Variants in TRIM44 observed in about 807,000 individuals in gnomAD.
TRIM44 encodes the protein tripartite motif containing 44, also known as tripartite motif-containing protein 44.
TRIM44 carries 13 observed loss-of-function variants against 37.4 expected under a neutral mutation model. That is an observed-to-expected ratio of 0.35 (90% CI 0.23 to 0.55). The LOEUF is 0.55. Among genes scored for constraint, TRIM44 ranks in the 20% least tolerant of loss-of-function variants. TRIM44 has a pLI of 0.89. For synonymous variants in TRIM44, 175 were observed against 157.2 expected (o/e 1.11, Z -0.85); for missense variants, 426 against 437.2 (o/e 0.97, Z 0.23).
At chr11:35,757,722 G>T (rs1048732779) in intron 4 of TRIM44, among the ~76,000 whole-genome samples, 3 of 152,196 alleles carry the variant, frequency 2.0e-5, no homozygotes, top group African/African-American at 7.2e-5. Flanking sequence ...TGGTTTCAAA[G>T]AACATCTTTC....
intron 2 of TRIM44, among the ~76,000 whole-genome samples, chr11:35,686,331 G>A (rs79988764): frequency 0.01 from 1,563 of 150,740 alleles, 26 homozygotes; most frequent in African/African-American, 0.036. Context: ...AGGGAAAGGC[G>A]CATGATTTTA....
At chr11:35,763,725 G>A (rs542274931) in intron 4 of TRIM44, among the ~76,000 whole-genome samples, 1 of 152,308 alleles carries the variant, frequency 6.6e-6, no homozygotes, top group South Asian at 2.1e-4. Flanking sequence ...TTTTGCATTT[G>A]TCTGCTTCTA....
In TRIM44 at chr11:35,814,789, A is replaced by T. The variant is rs2051431974; in HGVS notation, c.*8404A>T. On this transcript the variant is annotated 3_prime_UTR_variant, in exon 5 of 5. Transcript: ENST00000299413. ...TTTATGTAAATACTTTTGTGACTTCATTGTAACCAGCATTTTGTAATACTC... is the reference window on the plus strand; with the variant it reads ...TTTATGTAAATACTTTTGTGACTTCTTTGTAACCAGCATTTTGTAATACTC... 6.6e-6 allele frequency: 1 copy of T among 152,088 alleles called. No homozygotes were observed. The highest frequency in any genetic ancestry group is 1.5e-5 in the Non-Finnish European group (1 of 68,024). The allele number at this position is 152,088 out of a possible 1,614,324, so 9.4% of individuals were successfully genotyped here.
intron 2 of TRIM44, among the ~76,000 whole-genome samples, chr11:35,689,051 A>T (rs1290600781): frequency 6.6e-6 from 1 of 152,182 alleles, no homozygotes; most frequent in Non-Finnish European, 1.5e-5. Flanking sequence ...TAGGGAGGGG[A>T]AAAAGAGGTG....
At chr11:35,687,537 A>G (rs1370138166) in intron 2 of TRIM44, among the ~76,000 whole-genome samples, 1 of 152,254 alleles carries the variant, frequency 6.6e-6, no homozygotes, top group African/African-American at 2.4e-5. Context: ...TGCAGGAGAC[A>G]ACCATATTCT....
In TRIM44 at chr11:35,795,263, G is replaced by T. The variant is rs189488468; in HGVS notation, c.1008-11095G>T. On this transcript the variant is annotated intron_variant, in intron 4 of 4. Transcript: ENST00000299413. ...TAGGGGTTATAGGAAGCCATTGAAG[G>T]ATTTTTAAATGGGGTACTGATATAA... 6.6e-5 allele frequency among the ~76,000 whole-genome samples: 10 copies of T among 152,232 alleles called. No individual in the cohort carries two copies. In the East Asian group the frequency reaches 1.9e-3, roughly 29 times the overall value.
Position 35,811,161 on chromosome 11 carries a change from G to C in TRIM44, c.*4776G>C, listed in dbSNP as rs953625579. 1.3e-5 allele frequency: 2 copies of C among 152,116 alleles called. No homozygotes were observed. The highest frequency in any genetic ancestry group is 4.8e-5 in the African/African-American group (2 of 41,408). The allele number at this position is 152,116 out of a possible 1,614,324, so 9.4% of individuals were successfully genotyped here. A position where few individuals can be genotyped will look rare whatever the true frequency, so the allele number is the denominator to read the frequency against. On this transcript the variant is annotated 3_prime_UTR_variant, in exon 5 of 5. Coordinates refer to ENST00000299413, the MANE Select transcript of TRIM44 (RefSeq NM_017583.6). ...GGAGATGATGGTGTTTTGGTTACTA[G>C]ATGTGGGAGTCTAATTTACTCCTGA...
At chr11:35,742,507 A>T (rs1212687310) in intron 4 of TRIM44, among the ~76,000 whole-genome samples, 2 of 129,346 alleles carry the variant, frequency 1.5e-5, no homozygotes, top group East Asian at 4.2e-4. Flanking sequence ...ATTATATTAA[A>T]TATAATTATA....
At chr11:35,757,586 A>T (rs1852662268) in intron 4 of TRIM44, among the ~76,000 whole-genome samples, 1 of 151,846 alleles carries the variant, frequency 6.6e-6, no homozygotes, top group Non-Finnish European at 1.5e-5. Context: ...TTTAATTGTG[A>T]TGTTAGGGTG....
At chr11:35,761,561 T>G (rs927334137) in intron 4 of TRIM44, among the ~76,000 whole-genome samples, 2 of 152,222 alleles carry the variant, frequency 1.3e-5, no homozygotes, top group African/African-American at 4.8e-5. Flanking sequence ...TTAAGGGTGT[T>G]ACCTGTCATA....
At chr11:35,761,255 T>G (rs1435078175) in intron 4 of TRIM44, among the ~76,000 whole-genome samples, 2 of 152,210 alleles carry the variant, frequency 1.3e-5, no homozygotes, top group African/African-American at 4.8e-5. Flanking sequence ...ATCTTTGGAC[T>G]TACCACTTCT....
chr11:35,668,227 C>T (rs1027960477), intron 1 of TRIM44, among the ~76,000 whole-genome samples: 3 of 152,146 alleles, frequency 2.0e-5, no homozygotes, highest in Admixed American at 6.5e-5. Flanking sequence ...CTTTTAAGTT[C>T]TGGGGTACAT....
chr11:35,800,483 T>C (rs2102609), intron 4 of TRIM44, among the ~76,000 whole-genome samples: 29,998 of 152,016 alleles, frequency 0.2, 3,170 homozygotes, highest in Admixed American at 0.31. Flanking sequence ...CTGATTGGTG[T>C]GTTTACAATC....
In TRIM44 at chr11:35,807,712, G is replaced by A. The variant is rs575298181; in HGVS notation, c.*1327G>A. ...ATATTATAGAATAAAATGTTCATACGCATAGACTGTTAAGATAAAAAAATA... is the reference window on the plus strand; with the variant it reads ...ATATTATAGAATAAAATGTTCATACACATAGACTGTTAAGATAAAAAAATA... On this transcript the variant is annotated 3_prime_UTR_variant, in exon 5 of 5. Transcript: ENST00000299413. 4.6e-5 allele frequency: 7 copies of A among 152,214 alleles called. No homozygotes were observed. The highest frequency in any genetic ancestry group is 2.1e-4 in the South Asian group (1 of 4,812). 9.4% of individuals were successfully genotyped at this position (152,214 alleles called of 1,614,324 possible).
intron 1 of TRIM44, among the ~76,000 whole-genome samples, chr11:35,682,767 A>C (rs569094490): frequency 6.6e-6 from 1 of 152,306 alleles, no homozygotes; most frequent in South Asian, 2.1e-4. Flanking sequence ...CTGAATTTTT[A>C]TGAAAGAAGG....
At chr11:35,720,550 G>A (rs972886644) in intron 2 of TRIM44, among the ~76,000 whole-genome samples, 13 of 151,380 alleles carry the variant, frequency 8.6e-5, no homozygotes, top group Non-Finnish European at 1.6e-4. Flanking sequence ...GACTTGCTGC[G>A]TAAGCTAGGA....
chr11:35,733,563 C>A (rs12574811), intron 3 of TRIM44, among the ~76,000 whole-genome samples: 20,734 of 152,056 alleles, frequency 0.14, 1,504 homozygotes, highest in African/African-American at 0.18. Flanking sequence ...TACCACTCGC[C>A]CTACTTCCCT....
At chr11:35,773,711 A>AT (rs2133867238) in intron 4 of TRIM44, among the ~76,000 whole-genome samples, 1 of 152,184 alleles carries the variant, frequency 6.6e-6, no homozygotes, top group South Asian at 2.1e-4. Context: ...TATGAGTGAG[A>AT]ACGTGCGGTG....
chr11:35,793,821 A>T (rs1853248089), intron 4 of TRIM44, among the ~76,000 whole-genome samples: 1 of 152,100 alleles, frequency 6.6e-6, no homozygotes, highest in African/African-American at 2.4e-5. Flanking sequence ...GGATTGTGGG[A>T]CCTTGGGATG....
Sources: gnomAD v4.1 joint callset for allele counts (sites outside exome capture counted in the v4.1 genomes callset) on GRCh38, gnomAD v4.1.1 for gene constraint, MANE v1.5 for transcripts, NCBI Gene and HGNC (gene_info 2026-07-23, HGNC 2026-07-21) for gene names.